The following IGF2R variants were observed in gnomAD, a reference collection of about 807,000 sequenced individuals.
IGF2R encodes insulin like growth factor 2 receptor.
Under a neutral mutation model 270.6 loss-of-function variants are expected in IGF2R, and 91 were observed. That is an observed-to-expected ratio of 0.34 (90% CI 0.28 to 0.40). The LOEUF is 0.40. Ranked by LOEUF, IGF2R falls within the 10% of genes least tolerant of loss-of-function variation. The pLI is 1.00. For missense variants in IGF2R, 2,805 were observed against 3,188.3 expected, an observed-to-expected ratio of 0.88 and a Z score of 2.90; for synonymous variants, 1,316 against 1,258.9, an observed-to-expected ratio of 1.05 and a Z score of -0.96.
chr6:160,037,290 G>T (rs1416521590), intron 10 of IGF2R, among the ~76,000 whole-genome samples: 1 of 152,214 alleles, frequency 6.6e-6, no homozygotes, highest in Non-Finnish European at 1.5e-5. Context: ...TGGCTCTCAG[G>T]CAGGAGTTGG....
rs1778054098 is a variant in IGF2R at position 160,045,737 on chromosome 6, A to T, written c.1766-8A>T. ...TTAGTGATCCCCATCTCTTTTCCCC[A>T]TTGACAGGTGATCTGGAAAGTGCAC... On this transcript the variant is annotated splice_polypyrimidine_tract_variant and splice_region_variant and intron_variant, in intron 13 of 47. Transcript: ENST00000356956. 3 of 1,613,998 alleles carry T rather than the reference A, an allele frequency of 1.9e-6. No homozygotes were observed. The highest frequency in any genetic ancestry group is 8.5e-7 in the Non-Finnish European group (1 of 1,180,000).
intron 1 of IGF2R, among the ~76,000 whole-genome samples, chr6:159,980,141 G>A (rs1171318481): frequency 1.3e-5 from 2 of 150,464 alleles, no homozygotes; most frequent in Non-Finnish European, 3.0e-5. Context: ...AGATCGCACC[G>A]CTGCACTCCA....
intron 1 of IGF2R, among the ~76,000 whole-genome samples, chr6:159,986,693 T>A (rs971073440): frequency 2.6e-5 from 4 of 152,190 alleles, no homozygotes; most frequent in African/African-American, 9.6e-5. Context: ...ACATTTAACA[T>A]CTTACTGTTA....
intron 37 of IGF2R, among the ~76,000 whole-genome samples, 158 bp from the exon 38 acceptor site, chr6:160,079,422 C>G (rs1367243077): frequency 6.6e-6 from 1 of 152,208 alleles, no homozygotes; most frequent in Non-Finnish European, 1.5e-5. Context: ...CAGGGAAAGC[C>G]TAGGGCCAAG....
chr6:160,042,082 TC>T (rs1428762626), intron 11 of IGF2R, among the ~76,000 whole-genome samples: 4 of 152,148 alleles, frequency 2.6e-5, no homozygotes, highest in African/African-American at 4.8e-5. Context: ...TCTACAGACT[TC>T]CTGACATAGC....
intron 41 of IGF2R, among the ~76,000 whole-genome samples, chr6:160,087,739 G>C (rs1414603517): frequency 6.6e-6 from 1 of 152,120 alleles, no homozygotes; most frequent in Non-Finnish European, 1.5e-5. Flanking sequence ...GCGCCATCTC[G>C]ATCTTGGCTC....
chr6:160,068,062 G>GT (rs1486730077), intron 29 of IGF2R, among the ~76,000 whole-genome samples, 187 bp from the exon 30 acceptor site: 38 of 37,932 alleles, frequency 1.0e-3, no homozygotes, highest in South Asian at 3.9e-3. Context: ...GATTCTGATG[G>GT]GGGGTGTGTG....
intron 31 of IGF2R, among the ~76,000 whole-genome samples, chr6:160,070,692 G>T (rs1778699406): frequency 6.6e-6 from 1 of 152,190 alleles, no homozygotes; most frequent in African/African-American, 2.4e-5. Context: ...GTGAGCCCCA[G>T]TGCTAGCGTG....
chr6:160,075,093 C>G (rs960946762), intron 35 of IGF2R, among the ~76,000 whole-genome samples: 1 of 152,146 alleles, frequency 6.6e-6, no homozygotes, highest in Non-Finnish European at 1.5e-5. Context: ...GGGGAAGCTG[C>G]TTATACACAC....
At chr6:160,101,434 C>T (rs1779482307) in intron 45 of IGF2R, among the ~76,000 whole-genome samples, 1 of 152,282 alleles carries the variant, frequency 6.6e-6, no homozygotes, top group East Asian at 1.9e-4. Context: ...TGCAGGCCCA[C>T]CTAGAACTGG....
intron 2 of IGF2R, among the ~76,000 whole-genome samples, chr6:159,993,958 AAGTTAGGG>A (rs997709571): frequency 1.4e-5 from 2 of 142,020 alleles, no homozygotes; most frequent in African/African-American, 2.6e-5. Context: ...TTCATAGAAC[AAGTTAGGG>A]AGGATTCCCT....
rs1779641929 is a variant in IGF2R at position 160,107,249 on chromosome 6, T to A, written c.*2165T>A. Reference sequence around the variant, plus strand: ...GGCTGTTCTCCAGGCCATTCCCACCTCCTGCTAAGACCATGGGGAGCCCTC... The same window carrying A: ...GGCTGTTCTCCAGGCCATTCCCACCACCTGCTAAGACCATGGGGAGCCCTC... On this transcript the variant is annotated 3_prime_UTR_variant, in exon 48 of 48. Coordinates refer to ENST00000356956, the MANE Select transcript of IGF2R (RefSeq NM_000876.4). The A allele has an allele frequency of 6.6e-6, 1 of 152,244 alleles. No individual in the cohort carries two copies. Among genetic ancestry groups the A allele is most frequent in the Non-Finnish European group, 1.5e-5 (1 of 68,044 alleles). The allele number at this position is 152,244 out of a possible 1,614,324, so 9.4% of individuals were successfully genotyped here. A position where few individuals can be genotyped will look rare whatever the true frequency, so the allele number is the denominator to read the frequency against.
intron 4 of IGF2R, among the ~76,000 whole-genome samples, chr6:160,022,290 G>C (rs531509161): frequency 1.3e-5 from 2 of 152,254 alleles, no homozygotes; most frequent in East Asian, 3.9e-4. Context: ...ATTTCCTAAT[G>C]GGTACAATGT....
rs1456676845 is a variant in IGF2R at position 160,080,112 on chromosome 6, G to A, written c.5687-17G>A. On this transcript the variant is annotated splice_polypyrimidine_tract_variant and intron_variant, in intron 38 of 47. Transcript: ENST00000356956. ...GAGGCACAGCTGCCACACTGATAAT[G>A]TTCTTCTTCTTTCCAGAAACCGATG... The A allele has an allele frequency of 1.2e-6, 2 of 1,613,666 alleles. No individual in the cohort carries two copies. Among genetic ancestry groups the A allele is most frequent in the Non-Finnish European group, 1.7e-6 (2 of 1,179,810 alleles).
At chr6:160,040,098 G>T (rs1172964691) in intron 10 of IGF2R, among the ~76,000 whole-genome samples, 1 of 152,180 alleles carries the variant, frequency 6.6e-6, no homozygotes, top group Non-Finnish European at 1.5e-5. Context: ...GAGTCCCAGA[G>T]AACTTGTCTT....
chr6:160,059,615 T>C (rs555276592), intron 22 of IGF2R, among the ~76,000 whole-genome samples: 6 of 152,338 alleles, frequency 3.9e-5, no homozygotes, highest in Admixed American at 3.9e-4. Flanking sequence ...TCACATCATA[T>C]CACTTCCCAG....
rs772850352 is a variant in IGF2R at position 160,072,056 on chromosome 6, G to A, written c.4570+20G>A. ...GCACAGGTGAGAGGTGGTGCCAGTC[G>A]TTAACCCCAGCGCAGGTGAGAGACG... On this transcript the variant is annotated intron_variant, in intron 32 of 47. Coordinates refer to ENST00000356956, the MANE Select transcript of IGF2R (RefSeq NM_000876.4). 42 of 1,613,820 alleles carry A rather than the reference G, an allele frequency of 2.6e-5. No individual in the cohort carries two copies. Among genetic ancestry groups the A allele is most frequent in the Admixed American group, 1.7e-4 (10 of 60,024 alleles).
chr6:160,010,868 G>C, intron 4 of IGF2R, 83 bp downstream of exon 4: 1 of 775,968 alleles, frequency 1.3e-6, no homozygotes, highest in Non-Finnish European at 2.1e-6. Context: ...TAACCTTTCC[G>C]GGTGAAAATC....
At chr6:160,061,478 A>G in intron 23 of IGF2R, 25 bp from the exon 24 acceptor site, 3 of 1,611,830 alleles carry the variant, frequency 1.9e-6, no homozygotes, top group Non-Finnish European at 2.5e-6. Context: ...AGAGTTCTCC[A>G]GCGTGGTTTT....
Sources: allele counts gnomAD v4.1 joint callset (sites outside exome capture counted in the v4.1 genomes callset), GRCh38; gene constraint gnomAD v4.1.1; transcripts MANE v1.5; gene names NCBI Gene and HGNC (gene_info 2026-07-23, HGNC 2026-07-21).